Variants in GALNT17 observed in about 807,000 individuals in gnomAD.
The protein encoded by GALNT17 is UDP-GalNAc:polypeptide N-acetylgalactosaminyltransferase-like 3.
In GALNT17, 29 loss-of-function variants were observed where a neutral mutation model predicts 63.7. That is an observed-to-expected ratio of 0.46 (90% confidence interval 0.34 to 0.62). GALNT17 has a LOEUF of 0.62. Among genes scored for constraint, GALNT17 ranks in the 20% least tolerant of loss-of-function variants. The pLI, the probability that GALNT17 is intolerant of heterozygous loss-of-function variation, is 0.01. For missense variants in GALNT17, 603 were observed against 799.6 expected, an observed-to-expected ratio of 0.75 and a Z score of 2.97; for synonymous variants, 305 against 318.3, an observed-to-expected ratio of 0.96 and a Z score of 0.45.
intron 1 of GALNT17, among the ~76,000 whole-genome samples, chr7:71,141,361 C>T (rs1326336017): frequency 3.4e-5 from 5 of 146,886 alleles, no homozygotes; most frequent in African/African-American, 1.3e-4. Flanking sequence ...GGCGACAGAG[C>T]AAGACTGTCT....
At chr7:71,543,809 TTG>T (rs1390322501) in intron 5 of GALNT17, among the ~76,000 whole-genome samples, 1 of 151,682 alleles carries the variant, frequency 6.6e-6, no homozygotes, top group Admixed American at 6.6e-5. Context: ...TCTTTTTTTT[TTG>T]AGATGGAGTC....
At chr7:71,668,091 G>A (rs34609745) in intron 7 of GALNT17, among the ~76,000 whole-genome samples, 4,488 of 152,134 alleles carry the variant, frequency 0.03, 76 homozygotes, top group Middle Eastern at 0.065. Flanking sequence ...GAGCCACTGC[G>A]CCTGGCCTCA....
At chr7:71,658,724 C>T (rs1790865108) in intron 6 of GALNT17, among the ~76,000 whole-genome samples, 1 of 152,096 alleles carries the variant, frequency 6.6e-6, no homozygotes, top group Non-Finnish European at 1.5e-5. Context: ...CCCATCTCTA[C>T]TAAAAATACA....
At chr7:71,280,395 TTA>T (rs1790759263) in intron 1 of GALNT17, among the ~76,000 whole-genome samples, 1 of 152,088 alleles carries the variant, frequency 6.6e-6, no homozygotes, top group African/African-American at 2.4e-5. Context: ...GCATAGGGGA[TTA>T]TGTCACTATG....
At chr7:71,536,118 G>T (rs887255778) in intron 5 of GALNT17, among the ~76,000 whole-genome samples, 1 of 152,196 alleles carries the variant, frequency 6.6e-6, no homozygotes, top group Non-Finnish European at 1.5e-5. Context: ...AAATATCAGT[G>T]ACTGTTCATA....
chr7:71,596,131 T>C (rs980733329), intron 6 of GALNT17, among the ~76,000 whole-genome samples: 2 of 152,066 alleles, frequency 1.3e-5, no homozygotes, highest in Non-Finnish European at 2.9e-5. Context: ...CTCCGCCTCC[T>C]GGGTTCAAGC....
chr7:71,610,275 G>T (rs1348141827), intron 6 of GALNT17, among the ~76,000 whole-genome samples: 1 of 152,124 alleles, frequency 6.6e-6, no homozygotes, highest in Non-Finnish European at 1.5e-5. Flanking sequence ...AGGACCGCTT[G>T]AGGTCAGGAG....
chr7:71,401,842 A>G (rs1186013963), intron 3 of GALNT17, among the ~76,000 whole-genome samples: 3 of 152,158 alleles, frequency 2.0e-5, no homozygotes, highest in Non-Finnish European at 4.4e-5. Context: ...TTACTTCACT[A>G]TGTATTACAA....
intron 1 of GALNT17, among the ~76,000 whole-genome samples, chr7:71,298,096 C>A (rs1276503975): frequency 2.0e-5 from 3 of 152,222 alleles, no homozygotes; most frequent in African/African-American, 7.2e-5. Flanking sequence ...TCTTGGCTTA[C>A]TGCAACCTCC....
chr7:71,207,594 G>A (rs1489459499), intron 1 of GALNT17, among the ~76,000 whole-genome samples: 2 of 152,278 alleles, frequency 1.3e-5, no homozygotes, highest in Admixed American at 6.5e-5. Context: ...TAGGGTACAC[G>A]TCATGCCACG....
chr7:71,438,025 T>G (rs1166626498), intron 5 of GALNT17, among the ~76,000 whole-genome samples: 1 of 152,204 alleles, frequency 6.6e-6, no homozygotes, highest in African/African-American at 2.4e-5. Flanking sequence ...GAGACCTGTT[T>G]TCTAAGCCAG....
At chr7:71,358,900 A>G (rs1247747376) in intron 2 of GALNT17, among the ~76,000 whole-genome samples, 1 of 151,598 alleles carries the variant, frequency 6.6e-6, no homozygotes, top group African/African-American at 2.4e-5. Flanking sequence ...CAGACTCCTG[A>G]GTAGCTGGAA....
chr7:71,355,967 A>G (rs1314564808), intron 2 of GALNT17, among the ~76,000 whole-genome samples: 1 of 151,994 alleles, frequency 6.6e-6, no homozygotes, highest in Non-Finnish European at 1.5e-5. Flanking sequence ...TACTTTGTAT[A>G]TACGGAGTCT....
rs771570497 is a variant in GALNT17, at chr7:71,710,875, C to T, written c.1615C>T (p.Leu539=). Residue 539 remains leucine (L), a synonymous_variant, in exon 10 of 11, where the codon CTG becomes TTG. Coordinates refer to ENST00000333538, the MANE Select transcript of GALNT17 (RefSeq NM_022479.3). The part of the protein sequence containing the change: ...DNSKSRLPQL[L]DCDKVKSSLY... Reference sequence around the variant, plus strand: ...CTCCAAGAGTCGGCTGCCCCAGCTCCTGGACTGCGACAAGGTCAAGAGCAG... The same window carrying T: ...CTCCAAGAGTCGGCTGCCCCAGCTCTTGGACTGCGACAAGGTCAAGAGCAG... 6.2e-7 allele frequency: 1 copy of T among 1,614,006 alleles called. No individual in the cohort carries two copies.
At chr7:71,303,737 C>G (rs757065029) in intron 1 of GALNT17, among the ~76,000 whole-genome samples, 6 of 152,002 alleles carry the variant, frequency 3.9e-5, no homozygotes, top group African/African-American at 1.5e-4. Context: ...GGACTCCCCT[C>G]TAAAGAAGCC....
intron 2 of GALNT17, among the ~76,000 whole-genome samples, chr7:71,356,428 C>A (rs1427258752): frequency 1.3e-5 from 2 of 152,114 alleles, no homozygotes; most frequent in African/African-American, 4.8e-5. Flanking sequence ...GTTCTACAGG[C>A]TATACAAGCA....
intron 1 of GALNT17, among the ~76,000 whole-genome samples, chr7:71,184,881 G>T (rs894592703): frequency 1.3e-5 from 2 of 151,900 alleles, no homozygotes; most frequent in African/African-American, 4.8e-5. Context: ...GCAGCCTGCT[G>T]CACAAGCCCT....
intron 1 of GALNT17, among the ~76,000 whole-genome samples, chr7:71,261,989 T>C (rs1790393351): frequency 1.3e-5 from 2 of 152,188 alleles, no homozygotes; most frequent in Admixed American, 1.3e-4. Context: ...GGTCTACATC[T>C]TGGGCACCCC....
In GALNT17 at chr7:71,571,190, G is replaced by C. The variant is rs112030499; in HGVS notation, c.963-95G>C. On this transcript the variant is annotated intron_variant, in intron 5 of 10. Coordinates refer to ENST00000333538, the MANE Select transcript of GALNT17 (RefSeq NM_022479.3). ...ACATGCTAGGCTGGAACCAGTACAT[G>C]CTAGACCGGAACCAGTACATACTAG... The C allele has an allele frequency of 1.4e-4, 139 of 1,022,122 alleles. 1 individual carries two copies. The South Asian group carries it at 1.8e-3, about 13-fold the overall frequency. 63.3% of individuals were successfully genotyped at this position (1,022,122 alleles called of 1,614,324 possible). A position where few individuals can be genotyped will look rare whatever the true frequency, so the allele number is the denominator to read the frequency against.
Sources: allele counts gnomAD v4.1 joint callset (sites outside exome capture counted in the v4.1 genomes callset), GRCh38; gene constraint gnomAD v4.1.1; transcripts MANE v1.5; gene names NCBI Gene and HGNC (gene_info 2026-07-23, HGNC 2026-07-21).